The following PPFIA2 variants were observed in gnomAD, a reference collection of about 807,000 sequenced individuals.
PPFIA2 encodes the protein PPFI scaffold protein A2, also known as liprin-alpha-2.
Under a neutral mutation model 175.5 loss-of-function variants are expected in PPFIA2, and 46 were observed. That is an observed-to-expected ratio of 0.26 (90% CI 0.21 to 0.34). The LOEUF is 0.34. Ranked by LOEUF, PPFIA2 falls within the 10% of genes least tolerant of loss-of-function variation. The probability of loss-of-function intolerance (pLI) is 1.00; values close to 1 mark genes in which losing one functional copy is unlikely to be tolerated. For missense variants in PPFIA2, 1,179 were observed against 1,506.1 expected (o/e 0.78, Z 3.60); for synonymous variants, 568 against 511.4 (o/e 1.11, Z -1.49).
At chr12:81,316,732 TC>T (rs2052445569) in intron 22 of PPFIA2, among the ~76,000 whole-genome samples, 1 of 151,568 alleles carries the variant, frequency 6.6e-6, no homozygotes, top group African/African-American at 2.4e-5. Flanking sequence ...CTAATTATTC[TC>T]TAGAGGAAAA....
intron 9 of PPFIA2, among the ~76,000 whole-genome samples, chr12:81,376,973 T>C (rs2141767043): frequency 6.6e-6 from 1 of 151,968 alleles, no homozygotes; most frequent in African/African-American, 2.4e-5. Context: ...TTTTTTCAGA[T>C]GATAACTCTA....
At chr12:81,370,478 T>G (rs1195744519) in intron 11 of PPFIA2, among the ~76,000 whole-genome samples, 1 of 151,864 alleles carries the variant, frequency 6.6e-6, no homozygotes, top group East Asian at 1.9e-4. Context: ...TGAAAATGAT[T>G]GAAAGTCCTC....
At chr12:81,690,901 T>C (rs1033530259) in intron 3 of PPFIA2, among the ~76,000 whole-genome samples, 22 of 152,120 alleles carry the variant, frequency 1.4e-4, no homozygotes, top group Admixed American at 1.2e-3. Context: ...TTTCAATCTC[T>C]AGTTCTATGT....
rs2069739989 is a variant in PPFIA2 at position 81,560,228 on chromosome 12, G to T, written c.304-102362C>A. 5.3e-5 allele frequency among the ~76,000 whole-genome samples: 8 copies of T among 151,776 alleles called. No individual in the cohort carries two copies. In the South Asian group the frequency reaches 1.7e-3, roughly 32 times the overall value. ...GGCATGTCTTTAAAAAAACAGAATTGTGGTGGGGGGTATGTGTGTGTGTGT... is the reference window on the plus strand; with the variant it reads ...GGCATGTCTTTAAAAAAACAGAATTTTGGTGGGGGGTATGTGTGTGTGTGT... On this transcript the variant is annotated intron_variant, in intron 4 of 32. Coordinates refer to ENST00000549396, the MANE Select transcript of PPFIA2 (RefSeq NM_003625.5).
intron 3 of PPFIA2, among the ~76,000 whole-genome samples, chr12:81,734,226 A>T (rs2081288606): frequency 6.6e-6 from 1 of 151,838 alleles, no homozygotes; most frequent in Non-Finnish European, 1.5e-5. Context: ...AACACCTAAC[A>T]ATTGTTGAGT....
intron 3 of PPFIA2, among the ~76,000 whole-genome samples, chr12:81,691,620 T>C (rs1240781207): frequency 6.6e-6 from 1 of 152,106 alleles, no homozygotes; most frequent in Non-Finnish European, 1.5e-5. Context: ...GCAAACTCAT[T>C]AGGAGGAAGT....
chr12:81,368,523 A>G (rs1221280635), intron 13 of PPFIA2, among the ~76,000 whole-genome samples: 1 of 151,812 alleles, frequency 6.6e-6, no homozygotes, highest in African/African-American at 2.4e-5. Flanking sequence ...AGATTTATAT[A>G]TCATGCAAAT....
intron 4 of PPFIA2, among the ~76,000 whole-genome samples, chr12:81,458,553 T>C (rs1270259035): frequency 6.6e-6 from 1 of 152,084 alleles, no homozygotes; most frequent in Non-Finnish European, 1.5e-5. Flanking sequence ...TAGAAATAGG[T>C]CATATTGTTA....
rs555030626 is a variant in PPFIA2, at chr12:81,750,274, A to T, written c.249+3699T>A. On this transcript the variant is annotated intron_variant, in intron 3 of 32. Coordinates refer to ENST00000549396, the MANE Select transcript of PPFIA2 (RefSeq NM_003625.5). ...TCGTATTATTCAAGCATATAATGTG[A>T]CATATTTACAACACCAGAAATGTTA... 1.4e-5 allele frequency among the ~76,000 whole-genome samples: 2 copies of T among 144,106 alleles called. 1 individual carries two copies. Among genetic ancestry groups the T allele is most frequent in the East Asian group, 4.2e-4 (2 of 4,706 alleles). The allele number at this position is 144,106 out of a possible 152,430, so 94.5% of individuals were successfully genotyped here.
intron 4 of PPFIA2, among the ~76,000 whole-genome samples, chr12:81,640,208 T>C (rs2064773990): frequency 6.6e-6 from 1 of 152,122 alleles, no homozygotes; most frequent in African/African-American, 2.4e-5. Flanking sequence ...TGCATCTTAT[T>C]GTTATTCAGT....
At chr12:81,631,258 G>A (rs935320001) in intron 4 of PPFIA2, among the ~76,000 whole-genome samples, 1 of 151,988 alleles carries the variant, frequency 6.6e-6, no homozygotes, top group African/African-American at 2.4e-5. Flanking sequence ...AATGCTACTA[G>A]CAATGTTATC....
chr12:81,657,518 A>G (rs2067982170), intron 4 of PPFIA2, among the ~76,000 whole-genome samples: 1 of 152,206 alleles, frequency 6.6e-6, no homozygotes, highest in African/African-American at 2.4e-5. Flanking sequence ...CTAAGCAAGT[A>G]TCAACCCTAA....
intron 4 of PPFIA2, among the ~76,000 whole-genome samples, chr12:81,581,731 C>CA (rs1567433475): frequency 0.012 from 30 of 2,566 alleles, no homozygotes; most frequent in Admixed American, 0.074. Context: ...CAAAACAAAA[C>CA]GAACAAACAA....
intron 4 of PPFIA2, among the ~76,000 whole-genome samples, chr12:81,608,372 C>G (rs988303154): frequency 6.6e-6 from 1 of 152,010 alleles, no homozygotes; most frequent in East Asian, 1.9e-4. Flanking sequence ...AGGATTGGTA[C>G]CAGTTCTTCT....
intron 4 of PPFIA2, among the ~76,000 whole-genome samples, chr12:81,645,316 A>T (rs899832300): frequency 1.3e-5 from 2 of 152,156 alleles, no homozygotes; most frequent in African/African-American, 4.8e-5. Context: ...CTGGTCCCTC[A>T]GTTCCTTCAA....
In PPFIA2 at chr12:81,268,054, C is replaced by T. The variant is rs61756413; in HGVS notation, c.3344G>A (p.Arg1115His). 13,212 of 1,597,596 alleles carry T rather than the reference C, an allele frequency of 8.3e-3. 71 individuals carry two copies. The highest frequency in any genetic ancestry group is 0.014 in the South Asian group (1,213 of 88,340). Reference protein sequence around the residue: ...VLVWSNDRVIRWIQAIGLREY... With the variant: ...VLVWSNDRVIHWIQAIGLREY... ...TCGAAGTCCAATTGCTTGTATCCAG[C>T]GAATAACTCGGTCATTGCTCCACAC... Residue 1115 changes from arginine (R) to histidine (H), a missense_variant, in exon 29 of 33, where the codon CGC becomes CAC. Physicochemically the swap from Arg to His is conservative, Grantham distance 29. Coordinates refer to ENST00000549396, the MANE Select transcript of PPFIA2 (RefSeq NM_003625.5).
At chr12:81,435,480 C>A (rs947769146) in intron 7 of PPFIA2, among the ~76,000 whole-genome samples, 1 of 151,300 alleles carries the variant, frequency 6.6e-6, no homozygotes, top group Non-Finnish European at 1.5e-5. Context: ...GATGAGCGAT[C>A]AATGAAAGAG....
chr12:81,263,566 G>C (rs1313142042), intron 30 of PPFIA2, among the ~76,000 whole-genome samples, 176 bp from the exon 31 acceptor site: 1 of 152,156 alleles, frequency 6.6e-6, no homozygotes, highest in Non-Finnish European at 1.5e-5. Flanking sequence ...AAGACTATAG[G>C]AGATTTGATA....
intron 4 of PPFIA2, among the ~76,000 whole-genome samples, chr12:81,636,530 G>A (rs1239462496): frequency 1.3e-5 from 2 of 150,996 alleles, no homozygotes; most frequent in African/African-American, 4.9e-5. Flanking sequence ...CTCCCAAAGT[G>A]CTGGGATTAC....
Sources: allele counts gnomAD v4.1 joint callset (sites outside exome capture counted in the v4.1 genomes callset), GRCh38; gene constraint gnomAD v4.1.1; transcripts MANE v1.5; gene names NCBI Gene and HGNC (gene_info 2026-07-23, HGNC 2026-07-21).